The following KDM3B variants were observed in gnomAD, a reference collection of about 807,000 sequenced individuals.
The protein encoded by KDM3B is lysine demethylase 3B.
KDM3B carries 10 observed loss-of-function variants against 170.0 expected under a neutral mutation model. The observed-to-expected ratio is 0.06, with a 90% CI of 0.04 to 0.10. The LOEUF (loss-of-function observed/expected upper bound fraction) is 0.10. Among genes scored for constraint, KDM3B ranks in the 10% least tolerant of loss-of-function variants. The pLI, the probability that KDM3B is intolerant of heterozygous loss-of-function variation, is 1.00. For synonymous variants in KDM3B, 831 were observed against 834.8 expected (o/e 1.00, Z 0.08); for missense variants, 1,394 against 2,195.2 (o/e 0.64, Z 7.29).
intron 9 of KDM3B, among the ~76,000 whole-genome samples, chr5:138,393,603 C>A (rs2126954010): frequency 6.6e-6 from 1 of 152,324 alleles, no homozygotes; most frequent in South Asian, 2.1e-4. Flanking sequence ...GTGTTAGCTG[C>A]AGCTCTGTGC....
At chr5:138,381,195 T>G (rs1762116899) in intron 5 of KDM3B, among the ~76,000 whole-genome samples, 1 of 152,126 alleles carries the variant, frequency 6.6e-6, no homozygotes, top group Admixed American at 6.5e-5. Flanking sequence ...CTTTTAATGA[T>G]TATTGGTTCT....
At chr5:138,363,533 G>T (rs2126911634) in intron 1 of KDM3B, among the ~76,000 whole-genome samples, 1 of 152,212 alleles carries the variant, frequency 6.6e-6, no homozygotes, top group South Asian at 2.1e-4. Context: ...ACAAAGTGTA[G>T]AAATTATTCT....
At chr5:138,368,094 T>C (rs1424744303) in intron 1 of KDM3B, among the ~76,000 whole-genome samples, 1 of 152,138 alleles carries the variant, frequency 6.6e-6, no homozygotes, top group East Asian at 1.9e-4. Context: ...CTTGGTCACC[T>C]CTGACTCAAT....
chr5:138,372,984 A>G, intron 2 of KDM3B, 143 bp downstream of exon 2: 2 of 670,944 alleles, frequency 3.0e-6, no homozygotes, highest in East Asian at 6.4e-5. Context: ...TGCAAAAATT[A>G]GGAGCAGTCT....
At chr5:138,425,366 A>G in intron 16 of KDM3B, 45 bp from the exon 17 acceptor site, 1 of 1,588,230 alleles carries the variant, frequency 6.3e-7, no homozygotes, top group Non-Finnish European at 8.6e-7. Flanking sequence ...TAGAGCTGGA[A>G]GTTTTTCCTA....
chr5:138,377,991 A>C (rs1054907704), intron 4 of KDM3B, among the ~76,000 whole-genome samples, 166 bp downstream of exon 4: 1 of 152,190 alleles, frequency 6.6e-6, no homozygotes, highest in Non-Finnish European at 1.5e-5. Flanking sequence ...ATTAAAAAAT[A>C]AAAATAAAGA....
intron 17 of KDM3B, chr5:138,425,799 A>T: frequency 2.5e-6 from 1 of 407,222 alleles, no homozygotes; most frequent in Non-Finnish European, 4.4e-6. Context: ...TGGGGTCAGG[A>T]GTTCAAGACC....
At chr5:138,411,506 G>A (rs1458457397) in intron 11 of KDM3B, among the ~76,000 whole-genome samples, 2 of 151,822 alleles carry the variant, frequency 1.3e-5, no homozygotes, top group African/African-American at 2.4e-5. Context: ...GTGGCTTGCC[G>A]CCCACAAACC....
intron 15 of KDM3B, among the ~76,000 whole-genome samples, chr5:138,421,303 C>T (rs536511309): frequency 2.0e-5 from 3 of 152,164 alleles, no homozygotes; most frequent in South Asian, 4.1e-4. Context: ...ATGTCTCAAA[C>T]CTTTAATGCG....
intron 1 of KDM3B, among the ~76,000 whole-genome samples, chr5:138,354,326 A>G (rs1340429026): frequency 6.6e-6 from 1 of 152,204 alleles, no homozygotes; most frequent in East Asian, 1.9e-4. Context: ...GGATGGAATG[A>G]TGATTAAGAC....
At chr5:138,368,191 G>A (rs1761789566) in intron 1 of KDM3B, among the ~76,000 whole-genome samples, 1 of 150,990 alleles carries the variant, frequency 6.6e-6, no homozygotes, top group African/African-American at 2.4e-5. Flanking sequence ...TGTGTTCTAT[G>A]TACTTAGATT....
chr5:138,419,382 G>A lies in KDM3B; in HGVS notation c.3715+150G>A, dbSNP rs114641423. On this transcript the variant is annotated intron_variant, in intron 14 of 23. Coordinates refer to ENST00000314358, the MANE Select transcript of KDM3B (RefSeq NM_016604.4). ...ACATGAGGGACTGCCGGGGCCTGGC[G>A]TGGTGGCTCACGCGTGTAATCCCAG... The A allele has an allele frequency of 1.3e-3, 1,346 of 1,024,692 alleles. 13 individuals carry two copies. The African/African-American group carries it at 0.02, about 15-fold the overall frequency. The allele number at this position is 1,024,692 out of a possible 1,614,324, so 63.5% of individuals were successfully genotyped here. A position where few individuals can be genotyped will look rare whatever the true frequency, so the allele number is the denominator to read the frequency against.
At chr5:138,412,858 G>A (rs531545262) in intron 11 of KDM3B, among the ~76,000 whole-genome samples, 32 of 152,266 alleles carry the variant, frequency 2.1e-4, no homozygotes, top group African/African-American at 5.3e-4. Context: ...GCCCATCCTG[G>A]TCTTTAACTT....
chr5:138,432,839 G>C (rs1330264349), intron 23 of KDM3B, among the ~76,000 whole-genome samples: 1 of 151,686 alleles, frequency 6.6e-6, no homozygotes, highest in Non-Finnish European at 1.5e-5. Flanking sequence ...CCGCCTCCTG[G>C]GTTCATGCCA....
chr5:138,379,407 G>T (rs1015402967), intron 4 of KDM3B, among the ~76,000 whole-genome samples, 177 bp from the exon 5 acceptor site: 6 of 152,096 alleles, frequency 3.9e-5, no homozygotes, highest in African/African-American at 1.4e-4. Context: ...AACCATTCAG[G>T]TTTTGTTTTT....
At chr5:138,405,925 A>G (rs530214455) in intron 11 of KDM3B, among the ~76,000 whole-genome samples, 5 of 152,256 alleles carry the variant, frequency 3.3e-5, no homozygotes, top group Non-Finnish European at 7.3e-5. Context: ...GAAGATTAAT[A>G]CTGAAAATGC....
intron 9 of KDM3B, 111 bp downstream of exon 9, chr5:138,393,483 C>T: frequency 2.3e-6 from 2 of 883,454 alleles, no homozygotes; most frequent in Non-Finnish European, 1.8e-6. Context: ...TTGCTTTCCT[C>T]AACTCCTTTG....
chr5:138,415,287 G>C (rs1234083053), intron 12 of KDM3B, 48 bp downstream of exon 12: 1 of 1,279,650 alleles, frequency 7.8e-7, no homozygotes, highest in Non-Finnish European at 1.1e-6. Context: ...GTTTTTAGTT[G>C]AGATAGCCAT....
chr5:138,399,787 G>T lies in KDM3B; in HGVS notation c.3047-73G>T, dbSNP rs943822685. The T allele has an allele frequency of 4.3e-6, 6 of 1,386,006 alleles. No individual in the cohort carries two copies. The African/African-American group carries it at 8.5e-5, about 20-fold the overall frequency. 85.9% of individuals were successfully genotyped at this position (1,386,006 alleles called of 1,614,324 possible). On this transcript the variant is annotated intron_variant, in intron 10 of 23. Transcript: ENST00000314358. ...TTGCTGAACAAAATAGCTTGAGTAG[G>T]GATCAGTGGGTCTGGGGTCTTTTGT... is the stretch of plus-strand genomic sequence containing the variant.
Sources: allele counts gnomAD v4.1 joint callset (sites outside exome capture counted in the v4.1 genomes callset), GRCh38; gene constraint gnomAD v4.1.1; transcripts MANE v1.5; gene names NCBI Gene and HGNC (gene_info 2026-07-23, HGNC 2026-07-21).